Variants in NCAM1 observed in about 807,000 individuals in gnomAD.
The protein encoded by NCAM1 is neural cell adhesion molecule 1, also known as antigen recognized by monoclonal antibody 5.1H11.
In NCAM1, 14 loss-of-function variants were observed where a neutral mutation model predicts 109.8. That is an observed-to-expected ratio of 0.13 (90% confidence interval 0.08 to 0.20). The LOEUF (loss-of-function observed/expected upper bound fraction) is 0.20. Among genes scored for constraint, NCAM1 ranks in the 10% least tolerant of loss-of-function variants. The probability of loss-of-function intolerance (pLI) is 1.00; values close to 1 mark genes in which losing one functional copy is unlikely to be tolerated. For missense variants in NCAM1, 774 were observed against 1,109.9 expected (o/e 0.70, Z 4.30); for synonymous variants, 418 against 442.9 (o/e 0.94, Z 0.70).
In NCAM1 at chr11:113,194,108, A is replaced by G. The variant is rs543448133; in HGVS notation, c.53-8271A>G. Reference sequence around the variant, plus strand: ...TTATGCCGGATTCCCAGCAGCTCATATAATTTATTATGCTAAGAAATAGAG... The same window carrying G: ...TTATGCCGGATTCCCAGCAGCTCATGTAATTTATTATGCTAAGAAATAGAG... On this transcript the variant is annotated intron_variant, in intron 1 of 19. Transcript: ENST00000316851. Among the ~76,000 whole-genome samples the G allele has an allele frequency of 2.0e-5, 3 of 152,296 alleles. No homozygotes were observed. The South Asian group carries it at 6.2e-4, about 32-fold the overall frequency.
intron 1 of NCAM1, among the ~76,000 whole-genome samples, chr11:113,063,750 A>G (rs1937795132): frequency 6.6e-6 from 1 of 152,206 alleles, no homozygotes; most frequent in African/African-American, 2.4e-5. Flanking sequence ...GTCCATAAGA[A>G]CATATGATAC....
chr11:113,115,753 A>G (rs1223543488), intron 1 of NCAM1, among the ~76,000 whole-genome samples: 3 of 152,224 alleles, frequency 2.0e-5, no homozygotes, highest in African/African-American at 7.2e-5. Context: ...CTAGTCGAGA[A>G]ACAGTTTTTG....
chr11:112,968,963 A>C (rs1950800255), intron 1 of NCAM1, among the ~76,000 whole-genome samples: 1 of 152,208 alleles, frequency 6.6e-6, no homozygotes, highest in African/African-American at 2.4e-5. Context: ...GAAGTCCAGG[A>C]AAATAATACA....
chr11:113,089,174 G>A (rs1267834615), intron 1 of NCAM1, among the ~76,000 whole-genome samples: 2 of 152,122 alleles, frequency 1.3e-5, no homozygotes, highest in African/African-American at 4.8e-5. Context: ...TTAGCTGGGT[G>A]TGGTGGCTAG....
At chr11:113,018,877 A>G (rs1591252628) in intron 1 of NCAM1, among the ~76,000 whole-genome samples, 1 of 152,182 alleles carries the variant, frequency 6.6e-6, no homozygotes, top group African/African-American at 2.4e-5. Context: ...CATTACAAAA[A>G]TTACCTATTT....
chr11:113,232,480 A>G (rs1945041415), intron 11 of NCAM1, 126 bp downstream of exon 11: 2 of 1,059,104 alleles, frequency 1.9e-6, no homozygotes, highest in Non-Finnish European at 2.7e-6. Context: ...GGCATGGGCT[A>G]GAGAAGACAC....
At chr11:112,995,694 A>T (rs1183637075) in intron 1 of NCAM1, among the ~76,000 whole-genome samples, 1 of 152,242 alleles carries the variant, frequency 6.6e-6, no homozygotes, top group Non-Finnish European at 1.5e-5. Context: ...AATAGCAAAG[A>T]TAGAGCAACT....
intron 1 of NCAM1, among the ~76,000 whole-genome samples, chr11:113,008,181 A>G (rs1039429062): frequency 6.6e-6 from 1 of 152,174 alleles, no homozygotes; most frequent in Non-Finnish European, 1.5e-5. Context: ...CATCTCATGG[A>G]TTATGAATAT....
intron 1 of NCAM1, among the ~76,000 whole-genome samples, chr11:113,175,410 C>T (rs1369419959): frequency 6.6e-6 from 1 of 152,178 alleles, no homozygotes; most frequent in Admixed American, 6.5e-5. Flanking sequence ...AAACTTTGCC[C>T]TGTTGGTTAC....
intron 1 of NCAM1, among the ~76,000 whole-genome samples, chr11:113,121,537 C>CAA (rs3051887): frequency 0.018 from 1,699 of 92,396 alleles, 99 homozygotes; most frequent in African/African-American, 0.059. Context: ...ACCAATCTTA[C>CAA]AAAAAAAAAA....
Position 113,008,303 on chromosome 11 carries a change from G to T in NCAM1, c.52+46639G>T, listed in dbSNP as rs545503305. ...AGAATAATCACAGATAGGGGGGCAGGGGTCACATGGCCATTTCTATGGCTT... is the reference window on the plus strand; with the variant it reads ...AGAATAATCACAGATAGGGGGGCAGTGGTCACATGGCCATTTCTATGGCTT... On this transcript the variant is annotated intron_variant, in intron 1 of 19. Coordinates refer to ENST00000316851, the MANE Select transcript of NCAM1 (RefSeq NM_181351.5). Among the ~76,000 whole-genome samples, 9 of 152,274 alleles carry T rather than the reference G, an allele frequency of 5.9e-5. No individual in the cohort carries two copies. The South Asian group carries it at 1.7e-3, about 28-fold the overall frequency.
chr11:113,213,453 A>G (rs1375884079), intron 7 of NCAM1, among the ~76,000 whole-genome samples: 5 of 152,084 alleles, frequency 3.3e-5, no homozygotes, highest in Non-Finnish European at 7.4e-5. Flanking sequence ...TGGAAAATGA[A>G]CTCATCTCAA....
chr11:113,264,163 C>A, intron 17 of NCAM1: 1 of 985,332 alleles, frequency 1.0e-6, no homozygotes, highest in African/African-American at 1.7e-5. Context: ...ATTGTGGTCA[C>A]ATATCATTCT....
chr11:113,135,286 G>A (rs1462535470), intron 1 of NCAM1, among the ~76,000 whole-genome samples: 8 of 152,112 alleles, frequency 5.3e-5, no homozygotes, highest in African/African-American at 1.9e-4. Context: ...ATTCTCTGAT[G>A]TTTTTTTAAA....
At chr11:113,185,474 G>A (rs1246420794) in intron 1 of NCAM1, among the ~76,000 whole-genome samples, 1 of 152,082 alleles carries the variant, frequency 6.6e-6, no homozygotes, top group Non-Finnish European at 1.5e-5. Flanking sequence ...GACACAATCA[G>A]AACAATGTTT....
Position 113,233,348 on chromosome 11 carries a change from G to A in NCAM1, c.1693+31G>A, listed in dbSNP as rs568109243. The A allele has an allele frequency of 1.9e-6, 3 of 1,597,998 alleles. No homozygotes were observed. The highest frequency in any genetic ancestry group is 2.6e-6 in the Non-Finnish European group (3 of 1,171,918). ...TTGGGCGAGTTGGTGTTTCCATTGG[G>A]ATCATGAGTGCCTCAGTACTCAGAT... On this transcript the variant is annotated intron_variant, in intron 13 of 19. Transcript: ENST00000316851. The surrounding 1 kb of genome is among the most constrained non-coding windows in gnomAD (Gnocchi z 4.5).
chr11:113,174,929 A>G (rs1396153689), intron 1 of NCAM1, among the ~76,000 whole-genome samples: 1 of 152,140 alleles, frequency 6.6e-6, no homozygotes, highest in Non-Finnish European at 1.5e-5. Context: ...TCCTCAGGGA[A>G]TAGTCCTTTA....
At chr11:113,048,416 G>A (rs138029175) in intron 1 of NCAM1, among the ~76,000 whole-genome samples, 1,607 of 152,206 alleles carry the variant, frequency 0.011, 9 homozygotes, top group Non-Finnish European at 0.016. Context: ...CGTAGAATTC[G>A]TGCACACTTG....
chr11:113,095,288 T>C (rs1481862117), intron 1 of NCAM1, among the ~76,000 whole-genome samples: 2 of 150,900 alleles, frequency 1.3e-5, no homozygotes, highest in African/African-American at 4.9e-5. Context: ...TCCTCTGATA[T>C]AGCACTGACC....
Sources: allele counts gnomAD v4.1 joint callset (sites outside exome capture counted in the v4.1 genomes callset), GRCh38; gene constraint gnomAD v4.1.1; non-coding constraint Gnocchi (gnomAD v3.1); transcripts MANE v1.5; gene names NCBI Gene and HGNC (gene_info 2026-07-23, HGNC 2026-07-21).